The following CDH18 variants were observed in gnomAD, a reference collection of about 807,000 sequenced individuals.
The protein encoded by CDH18 is cadherin-18.
A neutral mutation model predicts 67.9 loss-of-function variants in CDH18; 31 were observed. That is an observed-to-expected ratio of 0.46 (90% confidence interval 0.34 to 0.62). CDH18 has a LOEUF of 0.62. Among genes scored for constraint, CDH18 ranks in the 20% least tolerant of loss-of-function variants. The pLI, the probability that CDH18 is intolerant of heterozygous loss-of-function variation, is 0.01. For synonymous variants in CDH18, 362 were observed against 347.2 expected, an observed-to-expected ratio of 1.04 and a Z score of -0.48; for missense variants, 890 against 975.5, an observed-to-expected ratio of 0.91 and a Z score of 1.17.
At chr5:19,878,304 G>A (rs769243272) in intron 2 of CDH18, among the ~76,000 whole-genome samples, 4 of 152,062 alleles carry the variant, frequency 2.6e-5, no homozygotes, top group Non-Finnish European at 4.4e-5. Context: ...TGACATGGCA[G>A]ACCTTCAACC....
intron 1 of CDH18, among the ~76,000 whole-genome samples, chr5:20,288,315 G>A (rs1050743288): frequency 2.7e-4 from 41 of 151,684 alleles, no homozygotes; most frequent in African/African-American, 9.4e-4. Flanking sequence ...AAAATATGGT[G>A]AGAAAGGTTT....
chr5:20,216,600 G>T (rs1216304247), intron 2 of CDH18, among the ~76,000 whole-genome samples: 1 of 151,814 alleles, frequency 6.6e-6, no homozygotes, highest in Non-Finnish European at 1.5e-5. Flanking sequence ...ATATGTCCAA[G>T]TTTAGTTCCT....
At chr5:20,444,735 TA>T (rs1285994012) in intron 1 of CDH18, among the ~76,000 whole-genome samples, 1 of 152,098 alleles carries the variant, frequency 6.6e-6, no homozygotes, top group Non-Finnish European at 1.5e-5. Flanking sequence ...ATACTCAAGT[TA>T]GGCTCATCTG....
rs1561419749 is a variant in CDH18, at chr5:19,591,205, C to A, written c.851G>T (p.Gly284Val). ...TGCCTTGATTTTCCCAACAGCTGAA[C>A]CAACTTGAGCTGACTCAGGAACATA... ...QLYVPESAQVGSAVGKIKAND... is the reference protein window; with the variant it reads ...QLYVPESAQVVSAVGKIKAND... The change falls in exon 7 of 13, where the codon GGT (glycine) becomes GTT (valine). Residue 284 changes from glycine to valine, a missense_variant. Physicochemically the swap from Gly to Val is moderately radical, Grantham distance 109. Around this residue, in one of 2 missense-constraint regions of CDH18, gnomAD observed 656 missense variants for 668.1 expected, o/e 0.98. Coordinates refer to ENST00000382275, the MANE Select transcript of CDH18 (RefSeq NM_004934.5). 1 of 1,611,996 alleles carries A rather than the reference C, an allele frequency of 6.2e-7. No homozygotes were observed.
intron 1 of CDH18, among the ~76,000 whole-genome samples, chr5:20,464,937 T>G (rs982140991): frequency 1.3e-5 from 2 of 152,072 alleles, no homozygotes; most frequent in Non-Finnish European, 2.9e-5. Flanking sequence ...AGATATTGGA[T>G]TCTAAAAAAA....
chr5:20,056,811 G>C (rs1490128675), intron 2 of CDH18, among the ~76,000 whole-genome samples: 1 of 150,056 alleles, frequency 6.7e-6, no homozygotes, highest in Non-Finnish European at 1.5e-5. Context: ...AGTCTCCCGA[G>C]TAGCTGGGAC....
intron 2 of CDH18, among the ~76,000 whole-genome samples, chr5:20,198,298 G>C (rs1735603696): frequency 6.6e-6 from 1 of 152,060 alleles, no homozygotes; most frequent in Admixed American, 6.5e-5. Context: ...TTAGAGACTT[G>C]TTGAATGGCT....
chr5:20,413,557 G>T (rs1003088037), intron 1 of CDH18, among the ~76,000 whole-genome samples: 1 of 152,156 alleles, frequency 6.6e-6, no homozygotes, highest in Non-Finnish European at 1.5e-5. Context: ...TTTCTCTGAC[G>T]ACCAGTGATG....
intron 1 of CDH18, among the ~76,000 whole-genome samples, chr5:20,257,689 C>T (rs1224021922): frequency 6.6e-6 from 1 of 152,082 alleles, no homozygotes; most frequent in Non-Finnish European, 1.5e-5. Context: ...CTGCATTGTA[C>T]ACATTTATTT....
chr5:20,494,906 C>T (rs1194090850), intron 1 of CDH18, among the ~76,000 whole-genome samples: 2 of 152,030 alleles, frequency 1.3e-5, no homozygotes, highest in African/African-American at 4.8e-5. Flanking sequence ...TGGGTCTTGG[C>T]CAAAGGAGCA....
At chr5:20,396,799 G>T (rs909528410) in intron 1 of CDH18, among the ~76,000 whole-genome samples, 1 of 152,056 alleles carries the variant, frequency 6.6e-6, no homozygotes, top group Non-Finnish European at 1.5e-5. Flanking sequence ...TCACATTATA[G>T]ATTTATGATT....
intron 2 of CDH18, among the ~76,000 whole-genome samples, chr5:19,974,991 A>G (rs992916420): frequency 1.3e-5 from 2 of 152,176 alleles, no homozygotes; most frequent in Non-Finnish European, 2.9e-5. Flanking sequence ...GAAGTTAACA[A>G]TATCTACCTA....
chr5:19,486,481 C>A lies in CDH18; in HGVS notation c.1631-2929G>T, dbSNP rs112666222. Among the ~76,000 whole-genome samples the A allele has an allele frequency of 4.1e-3, 616 of 151,908 alleles. 7 individuals carry two copies. The highest frequency in any genetic ancestry group is 0.014 in the African/African-American group (576 of 41,458). On this transcript the variant is annotated intron_variant, in intron 11 of 12. Coordinates refer to ENST00000382275, the MANE Select transcript of CDH18 (RefSeq NM_004934.5). ...CAAGACCCATAACAAATCTCTAATG[C>A]GATATACAATGGTTAAAAAATAAAT...
chr5:20,069,833 TA>T (rs1329161818), intron 2 of CDH18, among the ~76,000 whole-genome samples: 10 of 152,154 alleles, frequency 6.6e-5, no homozygotes, highest in African/African-American at 2.2e-4. Flanking sequence ...CCTCTCCCAT[TA>T]TTAATGTCCC....
At position 20,477,338 on chromosome 5, in the gene CDH18, G is replaced by A. The variant is rs11949557; in HGVS notation, c.-580+98124C>T. ...ATTCATGAGAACCAAAAATCAGGTA[G>A]GCAATAACAGTACCTGGTTTTAACA... On this transcript the variant is annotated intron_variant, in intron 1 of 14. Transcript: ENST00000507958. 6.8e-3 allele frequency among the ~76,000 whole-genome samples: 1,042 copies of A among 152,206 alleles called. 16 individuals are homozygous for A. Among genetic ancestry groups the A allele is most frequent in the African/African-American group, 0.023 (972 of 41,530 alleles).
At chr5:19,966,509 G>A (rs1034860973) in intron 2 of CDH18, among the ~76,000 whole-genome samples, 1 of 152,044 alleles carries the variant, frequency 6.6e-6, no homozygotes, top group Non-Finnish European at 1.5e-5. Context: ...TACAATACCT[G>A]AAGCATGGAG....
chr5:19,714,875 G>A (rs188074797), intron 5 of CDH18, among the ~76,000 whole-genome samples: 1 of 151,920 alleles, frequency 6.6e-6, no homozygotes, highest in Non-Finnish European at 1.5e-5. Context: ...AATTGTTTGT[G>A]CAAGCAATTA....
intron 1 of CDH18, among the ~76,000 whole-genome samples, chr5:20,295,292 C>T (rs1747399332): frequency 6.6e-6 from 1 of 152,178 alleles, no homozygotes; most frequent in Non-Finnish European, 1.5e-5. Context: ...AGCTATAATA[C>T]TGCCTTAGAT....
chr5:20,407,183 GA>G (rs781096223), intron 1 of CDH18, among the ~76,000 whole-genome samples: 5 of 152,140 alleles, frequency 3.3e-5, no homozygotes, highest in African/African-American at 9.7e-5. Context: ...GCAAGTAGGT[GA>G]AAAATCAAGC....
Sources: allele counts gnomAD v4.1 joint callset (sites outside exome capture counted in the v4.1 genomes callset), GRCh38; gene constraint gnomAD v4.1.1; regional missense constraint gnomAD v4.1.1; transcripts MANE v1.5; gene names NCBI Gene and HGNC (gene_info 2026-07-23, HGNC 2026-07-21).